The following SFXN5 variants were observed in gnomAD, a reference collection of about 807,000 sequenced individuals.
SFXN5 encodes sideroflexin-5.
Under a neutral mutation model 50.2 loss-of-function variants are expected in SFXN5, and 43 were observed. The ratio of observed to expected loss-of-function variants is 0.86; its 90% confidence interval spans 0.67 to 1.11. The LOEUF (loss-of-function observed/expected upper bound fraction) is 1.11. Ranked by LOEUF, SFXN5 falls within the 50% of genes least tolerant of loss-of-function variation. The probability of loss-of-function intolerance (pLI) is 0.00; values close to 1 mark genes in which losing one functional copy is unlikely to be tolerated. For missense variants in SFXN5, 463 were observed against 454.1 expected (o/e 1.02, Z -0.18); for synonymous variants, 203 against 185.8 (o/e 1.09, Z -0.75).
At chr2:73,069,731 A>C (rs1438973518) in intron 1 of SFXN5, among the ~76,000 whole-genome samples, 1 of 152,206 alleles carries the variant, frequency 6.6e-6, no homozygotes, top group African/African-American at 2.4e-5. Context: ...TCAGTCATAT[A>C]AGCCACTAAG....
chr2:72,998,856 G>A, intron 9 of SFXN5, 93 bp downstream of exon 9: 3 of 1,391,908 alleles, frequency 2.2e-6, no homozygotes, highest in Non-Finnish European at 3.0e-6. Context: ...ATCCTTGCCT[G>A]GCCTGGCCCT....
chr2:73,056,458 G>A (rs1421358909), intron 2 of SFXN5, among the ~76,000 whole-genome samples: 1 of 152,010 alleles, frequency 6.6e-6, no homozygotes, highest in Admixed American at 6.5e-5. Context: ...GGCTGAGGTG[G>A]GTGGATCACC....
At chr2:72,978,467 G>A (rs183479267) in intron 10 of SFXN5, among the ~76,000 whole-genome samples, 30 of 152,078 alleles carry the variant, frequency 2.0e-4, no homozygotes, top group African/African-American at 6.0e-4. Flanking sequence ...ATTTTTAGTA[G>A]AGATGGGTTT....
At chr2:72,954,570 A>G (rs1672872821) in intron 13 of SFXN5, among the ~76,000 whole-genome samples, 1 of 152,150 alleles carries the variant, frequency 6.6e-6, no homozygotes, top group Admixed American at 6.5e-5. Context: ...AGCCCCTACA[A>G]GGGCGCCCCA....
intron 3 of SFXN5, among the ~76,000 whole-genome samples, chr2:73,027,698 C>T (rs113659270): frequency 0.066 from 10,039 of 151,878 alleles, 910 homozygotes; most frequent in African/African-American, 0.21. Flanking sequence ...CTTGCTCTGT[C>T]GCCCAGGCTG....
intron 2 of SFXN5, among the ~76,000 whole-genome samples, chr2:73,052,364 G>A (rs2901390): frequency 0.11 from 11,369 of 106,950 alleles, 439 homozygotes; most frequent in African/African-American, 0.15. Flanking sequence ...GTATGCGTGT[G>A]TGTGTGTGTG....
At chr2:72,983,837 G>C (rs964843589) in intron 10 of SFXN5, among the ~76,000 whole-genome samples, 2 of 152,116 alleles carry the variant, frequency 1.3e-5, no homozygotes, top group African/African-American at 4.8e-5. Flanking sequence ...AAGGCCCCTT[G>C]AGAAGCCTGT....
chr2:73,012,134 C>CA (rs912942202), intron 6 of SFXN5, among the ~76,000 whole-genome samples: 3 of 151,786 alleles, frequency 2.0e-5, no homozygotes, highest in Non-Finnish European at 2.9e-5. Flanking sequence ...CTCCACAAAA[C>CA]AAAAAAACAC....
At chr2:73,071,496 C>G in intron 1 of SFXN5, 108 bp downstream of exon 1, 1 of 1,034,372 alleles carries the variant, frequency 9.7e-7, no homozygotes, top group Non-Finnish European at 1.4e-6. Flanking sequence ...GCTGCAGGCT[C>G]CGCTGGCCGC....
At chr2:73,062,963 C>T (rs759240879) in intron 1 of SFXN5, among the ~76,000 whole-genome samples, 36 of 152,126 alleles carry the variant, frequency 2.4e-4, no homozygotes, top group Non-Finnish European at 2.2e-4. Context: ...AACCCACTAC[C>T]GAGGATCTAC....
At chr2:73,034,527 C>T (rs898424466) in intron 3 of SFXN5, among the ~76,000 whole-genome samples, 28 of 152,276 alleles carry the variant, frequency 1.8e-4, no homozygotes, top group African/African-American at 6.0e-4. Context: ...AGACAGAAAT[C>T]CATCCTGCAT....
chr2:73,027,699 G>A (rs752779446), intron 3 of SFXN5, among the ~76,000 whole-genome samples: 4 of 151,142 alleles, frequency 2.6e-5, no homozygotes, highest in Non-Finnish European at 4.4e-5. Context: ...TTGCTCTGTC[G>A]CCCAGGCTGG....
chr2:73,043,211 C>T (rs948526430), intron 2 of SFXN5, among the ~76,000 whole-genome samples: 3 of 152,252 alleles, frequency 2.0e-5, no homozygotes, highest in African/African-American at 7.2e-5. Context: ...CCCAGCGAAG[C>T]TGCTGTGTTC....
chr2:72,965,092 G>T (rs1437992228), intron 12 of SFXN5, among the ~76,000 whole-genome samples: 1 of 152,186 alleles, frequency 6.6e-6, no homozygotes, highest in Non-Finnish European at 1.5e-5. Flanking sequence ...AAATCCCTGA[G>T]ACCCTAGCAG....
At chr2:72,984,504 C>A (rs1051830511) in intron 10 of SFXN5, among the ~76,000 whole-genome samples, 2 of 152,090 alleles carry the variant, frequency 1.3e-5, no homozygotes, top group Admixed American at 6.6e-5. Context: ...TAGCCCTGGG[C>A]TGGGCCTGGG....
At chr2:72,993,321 T>C (rs757614498) in intron 9 of SFXN5, among the ~76,000 whole-genome samples, 1 of 152,002 alleles carries the variant, frequency 6.6e-6, no homozygotes, top group Non-Finnish European at 1.5e-5. Context: ...TCCATGGAGG[T>C]CAATTGTTCC....
rs1672680078 is a variant in SFXN5, at chr2:72,992,173, T to G, written c.535-3825A>C. ...GGCCAGTGAATTTGCCATGAGCAGC[T>G]GACAGGAGACCAGGGGAAAAGGAGG... On this transcript the variant is annotated intron_variant, in intron 9 of 13. Coordinates refer to ENST00000272433, the MANE Select transcript of SFXN5 (RefSeq NM_144579.3). This position sits in a 1 kb window ranked among gnomAD's most constrained non-coding sequence, Gnocchi z 4.5. 6.6e-6 allele frequency among the ~76,000 whole-genome samples: 1 copy of G among 152,178 alleles called. No homozygotes were observed. Among genetic ancestry groups the G allele is most frequent in the South Asian group, 2.1e-4 (1 of 4,826 alleles).
intron 6 of SFXN5, among the ~76,000 whole-genome samples, chr2:73,017,368 A>C (rs1676300402): frequency 6.6e-6 from 1 of 152,238 alleles, no homozygotes; most frequent in African/African-American, 2.4e-5. Flanking sequence ...TAAATTAATA[A>C]GAATGGAGAA....
At chr2:72,985,722 T>C (rs1011428791) in intron 10 of SFXN5, among the ~76,000 whole-genome samples, 1 of 151,988 alleles carries the variant, frequency 6.6e-6, no homozygotes, top group Non-Finnish European at 1.5e-5. Flanking sequence ...ATGCAACCCG[T>C]GAGGGATGTT....
Sources: gnomAD v4.1 joint callset for allele counts (sites outside exome capture counted in the v4.1 genomes callset) on GRCh38, gnomAD v4.1.1 for gene constraint, Gnocchi (gnomAD v3.1) non-coding constraint, MANE v1.5 for transcripts, NCBI Gene and HGNC (gene_info 2026-07-23, HGNC 2026-07-21) for gene names.